Variants in SUPT3H observed in about 807,000 individuals in gnomAD.
The protein encoded by SUPT3H is transcription initiation protein SPT3 homolog.
A neutral mutation model predicts 44.3 loss-of-function variants in SUPT3H; 44 were observed. The ratio of observed to expected loss-of-function variants is 0.99; its 90% CI spans 0.78 to 1.28. The LOEUF is 1.28. Among genes scored for constraint, SUPT3H ranks in the 50% most tolerant of loss-of-function variants. SUPT3H has a pLI of 0.00. For missense variants in SUPT3H, 380 were observed against 387.1 expected (o/e 0.98, Z 0.15); for synonymous variants, 124 against 125.6 (o/e 0.99, Z 0.09).
chr6:45,216,338 A>C (rs1162717510), intron 2 of SUPT3H, among the ~76,000 whole-genome samples: 2 of 152,186 alleles, frequency 1.3e-5, no homozygotes, highest in Non-Finnish European at 2.9e-5. Context: ...AAAGCTTATC[A>C]CTGCAAAAAG....
intron 2 of SUPT3H, among the ~76,000 whole-genome samples, chr6:45,262,971 T>C (rs1203020985): frequency 6.6e-6 from 1 of 152,068 alleles, no homozygotes; most frequent in African/African-American, 2.4e-5. Context: ...TCGTTGTTAT[T>C]AAAAAGTCAA....
At chr6:44,946,738 T>A (rs1287529878) in intron 9 of SUPT3H, among the ~76,000 whole-genome samples, 1 of 152,166 alleles carries the variant, frequency 6.6e-6, no homozygotes, top group Admixed American at 6.6e-5. Flanking sequence ...TGAACATTTT[T>A]AAAAATAACT....
chr6:45,267,623 C>T (rs558730604), intron 2 of SUPT3H, among the ~76,000 whole-genome samples: 35 of 152,320 alleles, frequency 2.3e-4, no homozygotes, highest in African/African-American at 7.5e-4. Context: ...TCTCACACTA[C>T]GATAGATTAC....
At chr6:45,072,775 C>T (rs1216910899) in intron 3 of SUPT3H, among the ~76,000 whole-genome samples, 11 of 151,930 alleles carry the variant, frequency 7.2e-5, no homozygotes, top group South Asian at 4.2e-4. Flanking sequence ...TTTGTGTTAC[C>T]AAGGCTGCCC....
intron 3 of SUPT3H, among the ~76,000 whole-genome samples, chr6:45,058,031 A>C (rs1173585220): frequency 6.6e-6 from 1 of 152,196 alleles, no homozygotes; most frequent in East Asian, 1.9e-4. Flanking sequence ...TAGTTATCTA[A>C]GTTAAAAGTA....
intron 2 of SUPT3H, among the ~76,000 whole-genome samples, chr6:45,147,657 T>C (rs1048695588): frequency 6.6e-6 from 1 of 151,862 alleles, no homozygotes; most frequent in Admixed American, 6.6e-5. Flanking sequence ...GTGCCTGGTG[T>C]CATAGGAAGA....
intron 10 of SUPT3H, among the ~76,000 whole-genome samples, chr6:44,900,263 C>A (rs184380093): frequency 1.5e-3 from 222 of 152,320 alleles, no homozygotes; most frequent in African/African-American, 5.1e-3. Flanking sequence ...CAGGGAATTA[C>A]CTTTCCTAGT....
At chr6:45,288,587 A>G (rs1562882739) in intron 2 of SUPT3H, among the ~76,000 whole-genome samples, 31 of 36,246 alleles carry the variant, frequency 8.6e-4, no homozygotes, top group African/African-American at 2.0e-3. Flanking sequence ...ATATATGTAT[A>G]TATATATATG....
chr6:45,306,696 C>G (rs914996290), intron 2 of SUPT3H, among the ~76,000 whole-genome samples: 1 of 152,194 alleles, frequency 6.6e-6, no homozygotes, highest in Admixed American at 6.5e-5. Flanking sequence ...CAGTCTACAG[C>G]TCCCAGCATG....
chr6:45,112,207 C>T (rs1800166977), intron 2 of SUPT3H, among the ~76,000 whole-genome samples: 1 of 151,898 alleles, frequency 6.6e-6, no homozygotes, highest in African/African-American at 2.4e-5. Context: ...TGGGGCAACA[C>T]TGTTATGAGA....
chr6:45,259,269 G>T (rs7742723), intron 2 of SUPT3H, among the ~76,000 whole-genome samples: 1 of 151,892 alleles, frequency 6.6e-6, no homozygotes, highest in Non-Finnish European at 1.5e-5. Flanking sequence ...TTGGGGGGGA[G>T]GGTGAATAAG....
chr6:45,209,173 C>T (rs1419408447), intron 2 of SUPT3H, among the ~76,000 whole-genome samples: 1 of 152,126 alleles, frequency 6.6e-6, no homozygotes, highest in African/African-American at 2.4e-5. Context: ...TGGAGATATA[C>T]GAGGAGATGA....
At chr6:45,307,630 T>G (rs1783258594) in intron 2 of SUPT3H, among the ~76,000 whole-genome samples, 1 of 151,996 alleles carries the variant, frequency 6.6e-6, no homozygotes, top group Admixed American at 6.5e-5. Context: ...ATTACCATCA[T>G]CAAAGACCAA....
intron 3 of SUPT3H, among the ~76,000 whole-genome samples, chr6:45,100,301 T>C (rs1181798037): frequency 2.0e-5 from 3 of 151,546 alleles, no homozygotes; most frequent in Admixed American, 1.3e-4. Flanking sequence ...ACCTGCAAGA[T>C]GGGAGAAAAT....
At chr6:45,187,575 G>A (rs1361392840) in intron 2 of SUPT3H, among the ~76,000 whole-genome samples, 1 of 152,170 alleles carries the variant, frequency 6.6e-6, no homozygotes, top group African/African-American at 2.4e-5. Context: ...AACCTAAGAT[G>A]TGAGGACCTA....
At chr6:45,040,618 A>G (rs963311723) in intron 3 of SUPT3H, among the ~76,000 whole-genome samples, 3 of 152,234 alleles carry the variant, frequency 2.0e-5, no homozygotes, top group African/African-American at 7.2e-5. Context: ...AGCTTTTCAA[A>G]GAGAAATTCA....
intron 6 of SUPT3H, among the ~76,000 whole-genome samples, chr6:44,991,401 A>C (rs1047618497): frequency 6.6e-6 from 1 of 152,178 alleles, no homozygotes; most frequent in Non-Finnish European, 1.5e-5. Flanking sequence ...GAAGCCTGGT[A>C]GGATCTGATC....
At chr6:44,842,563 C>T (rs192521611) in intron 10 of SUPT3H, among the ~76,000 whole-genome samples, 2 of 152,102 alleles carry the variant, frequency 1.3e-5, no homozygotes, top group Non-Finnish European at 2.9e-5. Flanking sequence ...GAGAGTAAGA[C>T]ATTACCAACT....
chr6:44,844,823 G>T (rs1187349230), intron 10 of SUPT3H, among the ~76,000 whole-genome samples: 1 of 151,920 alleles, frequency 6.6e-6, no homozygotes, highest in African/African-American at 2.4e-5. Flanking sequence ...TTGTGATGGT[G>T]GTTTTATGGC....
Sources: allele counts gnomAD v4.1 joint callset (sites outside exome capture counted in the v4.1 genomes callset), GRCh38; gene constraint gnomAD v4.1.1; transcripts MANE v1.5; gene names NCBI Gene and HGNC (gene_info 2026-07-23, HGNC 2026-07-21).